ITGA7: variants seen among roughly 807,000 people sequenced by gnomAD.
The protein encoded by ITGA7 is integrin alpha-7.
A neutral mutation model predicts 131.6 loss-of-function variants in ITGA7; 84 were observed. The observed-to-expected ratio is 0.64, with a 90% CI of 0.54 to 0.77. The LOEUF (loss-of-function observed/expected upper bound fraction) is 0.77, where lower values mean the gene tolerates loss of function less well. Among genes scored for constraint, ITGA7 ranks in the 30% least tolerant of loss-of-function variants. The pLI is 0.00. For missense variants in ITGA7, 1,399 were observed against 1,482.9 expected, an observed-to-expected ratio of 0.94 and a Z score of 0.93; for synonymous variants, 548 against 600.7, an observed-to-expected ratio of 0.91 and a Z score of 1.28.
intron 24 of ITGA7, chr12:55,686,224 C>G (rs751088250): frequency 7.4e-7 from 1 of 1,350,638 alleles, no homozygotes; most frequent in South Asian, 1.1e-5. Flanking sequence ...GGACCCCCAA[C>G]TTCCATGGCT....
Position 55,685,295 on chromosome 12 carries a change from G to A in ITGA7, c.3184-7C>T. 6.2e-7 allele frequency: 1 copy of A among 1,613,652 alleles called. No homozygotes were observed. Among genetic ancestry groups the A allele is most frequent in the South Asian group, 1.1e-5 (1 of 91,078 alleles). On this transcript the variant is annotated splice_region_variant and splice_polypyrimidine_tract_variant and intron_variant, in intron 24 of 24. Transcript: ENST00000257879. ...CCCGTTTGAAGAATCCCATCTATAA[G>A]GACACCAGGCCAGACCATGAGGAGC...
At position 55,698,519 on chromosome 12, in the gene ITGA7, C is replaced by T; in HGVS notation, c.1056G>A (p.Gly352=). The T allele has an allele frequency of 6.2e-7, 1 of 1,614,080 alleles. No homozygotes were observed. Among genetic ancestry groups the T allele is most frequent in the Non-Finnish European group, 8.5e-7 (1 of 1,179,984 alleles). ...GGTTCAAGTACACATACACAGCACC[C>T]CCCAGCTCTTCTTGGCGCTCAAAGA... is the stretch of plus-strand genomic sequence containing the variant. The part of the protein sequence containing the change: ...PYFFERQEEL[G]GAVYVYLNQG... Residue 352 remains glycine (G), a synonymous_variant, in exon 7 of 25, where the codon GGG becomes GGA. Coordinates refer to ENST00000257879, the MANE Select transcript of ITGA7 (RefSeq NM_002206.3).
chr12:55,687,862 C>T, intron 24 of ITGA7, 109 bp downstream of exon 24: 1 of 1,429,426 alleles, frequency 7.0e-7, no homozygotes, highest in Non-Finnish European at 9.8e-7. Context: ...GTGTTCAGTG[C>T]AGATTTGCTG....
chr12:55,707,341 T>TG, intron 1 of ITGA7, 136 bp downstream of exon 1: 1 of 707,914 alleles, frequency 1.4e-6, no homozygotes, highest in Non-Finnish European at 2.4e-6. Flanking sequence ...AGGCTCCAGG[T>TG]TGGGATGTGG....
At chr12:55,700,527 A>G (rs1177600354) in intron 4 of ITGA7, 2 of 1,108,900 alleles carry the variant, frequency 1.8e-6, no homozygotes, top group East Asian at 2.4e-5. Context: ...TCCCCAACCC[A>G]GGCTTCCTGG....
chr12:55,693,301 T>C lies in ITGA7; in HGVS notation c.2552A>G (p.Gln851Arg). 5 of 1,613,690 alleles carry C rather than the reference T, an allele frequency of 3.1e-6. No homozygotes were observed. The highest frequency in any genetic ancestry group is 4.2e-6 in the Non-Finnish European group (5 of 1,179,950). Residue 851 changes from glutamine to arginine, a missense_variant, in exon 20 of 25, where the codon CAG becomes CGG. Coordinates refer to ENST00000257879, the MANE Select transcript of ITGA7 (RefSeq NM_002206.3). ...GGCAGAGCCCAGGGTTCTGAGCGACTGGCCTTGGTTGGAAACCTGTGGGAA... is the reference window on the plus strand; with the variant it reads ...GGCAGAGCCCAGGGTTCTGAGCGACCGGCCTTGGTTGGAAACCTGTGGGAA... ...KYEVTVSNQG[Q>R]SLRTLGSAFL...
At chr12:55,703,027 C>G (rs201540792) in intron 2 of ITGA7, 24 bp downstream of exon 2, 10 of 1,614,036 alleles carry the variant, frequency 6.2e-6, no homozygotes, top group African/African-American at 2.7e-5. Flanking sequence ...ACGCTTCCCC[C>G]ACTCTGTTCA....
upstream of ITGA7, chr12:55,708,177 G>T: frequency 3.5e-6 from 1 of 288,584 alleles, no homozygotes; most frequent in Non-Finnish European, 5.2e-6. Context: ...GGAATGCGGA[G>T]GGAGAGAAGT....
rs757891625 is a variant in ITGA7 at position 55,694,950 on chromosome 12, G to A, written c.2024C>T (p.Ala675Val). Residue 675 changes from alanine (A) to valine (V), a missense_variant, in exon 15 of 25, where the codon GCC becomes GTC. Ala to Val is a moderately conservative substitution (Grantham distance 64). Transcript: ENST00000257879. The surrounding 1 kb of genome is among the most constrained non-coding windows in gnomAD (Gnocchi z 5.3). ...TGGCTGCCCACTCAGTGCAAACAGG[G>A]CTGTTGTTCCATCCACATCCCTGGA... is the stretch of plus-strand genomic sequence containing the variant. ...PLPMDVDGTT[A>V]LFALSGQPVI... is the part of the protein sequence containing the mutation. The A allele has an allele frequency of 1.9e-6, 3 of 1,613,546 alleles. No individual in the cohort carries two copies. Among genetic ancestry groups the A allele is most frequent in the Non-Finnish European group, 2.5e-6 (3 of 1,179,986 alleles).
chr12:55,697,782 T>C lies in ITGA7; in HGVS notation c.1322A>G (p.Tyr441Cys), dbSNP rs1872975253. The C allele has an allele frequency of 1.9e-6, 3 of 1,613,748 alleles. No individual in the cohort carries two copies. The highest frequency in any genetic ancestry group is 2.5e-6 in the Non-Finnish European group (3 of 1,179,954). Reference sequence around the variant, plus strand: ...CATATCCAAGCTGCCTGACAGGGAGTAGCCGAAGCTCTTGATGCCCACAGC... The same window carrying C: ...CATATCCAAGCTGCCTGACAGGGAGCAGCCGAAGCTCTTGATGCCCACAGC... The part of the protein sequence containing the change: ...GEAVGIKSFG[Y>C]SLSGSLDMDG... The change falls in exon 9 of 25, where the codon TAC becomes TGC. Residue 441 changes from tyrosine (Y) to cysteine (C), a missense_variant. By Grantham distance (194) the Tyr-to-Cys change is radical. Coordinates refer to ENST00000257879, the MANE Select transcript of ITGA7 (RefSeq NM_002206.3).
intron 21 of ITGA7, 35 bp from the exon 22 acceptor site, chr12:55,688,992 C>T (rs1309685993): frequency 2.0e-6 from 3 of 1,528,114 alleles, no homozygotes; most frequent in Non-Finnish European, 2.7e-6. Context: ...CTAAGCCACT[C>T]AGCTCAACCC....
intron 6 of ITGA7, 47 bp from the exon 7 acceptor site, chr12:55,698,623 G>A (rs1208540916): frequency 1.2e-6 from 2 of 1,613,174 alleles, no homozygotes; most frequent in African/African-American, 1.3e-5. Flanking sequence ...CTGGCCAGAG[G>A]AGCCAGCAGG....
In ITGA7 at chr12:55,697,482, G is replaced by T; in HGVS notation, c.1474C>A (p.Gln492Lys). Residue 492 changes from glutamine (Q) to lysine (K), a missense_variant, in exon 10 of 25, where the codon CAG (glutamine) becomes AAG (lysine). By Grantham distance (53) the Gln-to-Lys change is moderately conservative. Coordinates refer to ENST00000257879, the MANE Select transcript of ITGA7 (RefSeq NM_002206.3). The stretch of plus-strand genomic sequence containing the variant: ...GAGTGGCCGCCAGCACAGTTGGGCT[G>T]CTCCAGGTCGATGCTTCGTGGAGCA... Reference protein sequence around the residue: ...SIAPRSIDLEQPNCAGGHSVC... With the variant: ...SIAPRSIDLEKPNCAGGHSVC... The T allele has an allele frequency of 6.2e-7, 1 of 1,614,104 alleles. No individual in the cohort carries two copies. Among genetic ancestry groups the T allele is most frequent in the Non-Finnish European group, 8.5e-7 (1 of 1,180,032 alleles).
At position 55,700,893 on chromosome 12, in the gene ITGA7, A is replaced by T; in HGVS notation, c.670+6T>A. The T allele has an allele frequency of 3.7e-6, 6 of 1,614,074 alleles. No homozygotes were observed. Among genetic ancestry groups the T allele is most frequent in the Non-Finnish European group, 5.1e-6 (6 of 1,179,980 alleles). The stretch of plus-strand genomic sequence containing the variant: ...CCCCTTCTCCCCTTCCCGAGGAGTG[A>T]CTCACCCTTCCAATTATAGGTTCCT... On this transcript the variant is annotated splice_donor_region_variant and intron_variant, in intron 4 of 24. Coordinates refer to ENST00000257879, the MANE Select transcript of ITGA7 (RefSeq NM_002206.3).
rs773720851 is a variant in ITGA7 at position 55,697,013 on chromosome 12, G to A, written c.1623C>T (p.Pro541=). Residue 541 remains proline (P), a synonymous_variant, in exon 12 of 25, where the codon CCC becomes CCT. Transcript: ENST00000257879. ...GGTTACGGCTCAGGAACGTCACACG[G>A]GGAACCTGGCCCCGGAGCCTCCGGT... is the stretch of plus-strand genomic sequence containing the variant. ...DTDRRLRGQV[P]RVTFLSRNLE... is the part of the protein sequence containing the mutation. 1 of 1,614,116 alleles carries A rather than the reference G, an allele frequency of 6.2e-7. No individual in the cohort carries two copies. Among genetic ancestry groups the A allele is most frequent in the South Asian group, 1.1e-5 (1 of 91,078 alleles).
Position 55,701,106 on chromosome 12 carries a change from C to A in ITGA7, c.463G>T (p.Glu155Ter), listed in dbSNP as rs549230992. 3.7e-6 allele frequency: 6 copies of A among 1,614,246 alleles called. No homozygotes were observed. In the South Asian group the frequency reaches 6.6e-5, roughly 18 times the overall value. ...CAGCGACCAATCATATCCCGCGTCT[C>A]CAGGATCTGGTCCACTCGCTGCCTT... is the stretch of plus-strand genomic sequence containing the variant. ...EARQRVDQIL[E>*]TRDMIGRCFV... Residue 155 changes from glutamate (E) to a stop codon, truncating the protein, a stop_gained, in exon 4 of 25, where the codon GAG becomes TAG. Coordinates refer to ENST00000257879, the MANE Select transcript of ITGA7 (RefSeq NM_002206.3). LOFTEE classifies it high-confidence loss of function.
rs1399700116 is a variant in ITGA7 at position 55,684,682 on chromosome 12, T to G, written c.*376A>C. ...CTAGAGAAGGAGCAGCCTGAGTCAG[T>G]GACACAACCTCCTCCCCGACCCTCT... On this transcript the variant is annotated 3_prime_UTR_variant, in exon 25 of 25. Transcript: ENST00000257879. 8.2e-6 allele frequency: 2 copies of G among 242,504 alleles called. No individual in the cohort carries two copies. Among genetic ancestry groups the G allele is most frequent in the Non-Finnish European group, 1.6e-5 (2 of 125,586 alleles). The allele number at this position is 242,504 out of a possible 1,614,324, so 15.0% of individuals were successfully genotyped here. A position where few individuals can be genotyped will look rare whatever the true frequency, so the allele number is the denominator to read the frequency against.
Position 55,701,032 on chromosome 12 carries a change from C to G in ITGA7, c.537G>C (p.Gly179=), listed in dbSNP as rs145463677. 6.2e-7 allele frequency: 1 copy of G among 1,614,118 alleles called. No individual in the cohort carries two copies. The highest frequency in any genetic ancestry group is 1.3e-5 in the African/African-American group (1 of 74,932). The change falls in exon 4 of 25, where the codon GGG becomes GGC. Residue 179 remains glycine, a synonymous_variant. Coordinates refer to ENST00000257879, the MANE Select transcript of ITGA7 (RefSeq NM_002206.3). ...GGCGTCCCTCACAGAACTTCCATTC[C>G]CCACCATCCAACTCATCCCGGATGG... is the stretch of plus-strand genomic sequence containing the variant. ...DLAIRDELDG[G]EWKFCEGRPQ...
At chr12:55,712,246 AG>A, upstream of ITGA7, 1 of 1,551,446 alleles carries the variant, frequency 6.4e-7, no homozygotes, top group Non-Finnish European at 8.7e-7. Context: ...AAGGACTGGG[AG>A]GTCACTTACC....
Sources: gnomAD v4.1 joint callset for allele counts on GRCh38, gnomAD v4.1.1 for gene constraint, Gnocchi (gnomAD v3.1) non-coding constraint, MANE v1.5 for transcripts, NCBI Gene and HGNC (gene_info 2026-07-23, HGNC 2026-07-21) for gene names.